The following GHR variants were observed in gnomAD, a reference collection of about 807,000 sequenced individuals.
GHR encodes the protein GH receptor.
In GHR, 35 loss-of-function variants were observed where a neutral mutation model predicts 67.1. That is an observed-to-expected ratio of 0.52 (90% CI 0.40 to 0.69). GHR has a LOEUF of 0.69. GHR is among the 30% of genes least tolerant of loss of function. The pLI is 0.00. For missense variants in GHR, 792 were observed against 764.6 expected (o/e 1.04, Z -0.42); for synonymous variants, 272 against 269.1 (o/e 1.01, Z -0.10).
rs148561268 is a variant in GHR, at chr5:42,695,119, A to C, written c.439+30A>C. On this transcript the variant is annotated intron_variant, in intron 5 of 9. Coordinates refer to ENST00000230882, the MANE Select transcript of GHR (RefSeq NM_000163.5). ...ATCACAGGTTTTTGTTTCATTTGAC[A>C]TAGTTTTAGACTAAATAAATGGGGA... The C allele has an allele frequency of 3.5e-3, 5,214 of 1,505,458 alleles. 16 individuals are homozygous for C. The highest frequency in any genetic ancestry group is 4.6e-3 in the Non-Finnish European group (5,021 of 1,081,166). The allele number at this position is 1,505,458 out of a possible 1,614,324, so 93.3% of individuals were successfully genotyped here.
chr5:42,671,679 G>A (rs1407245094), intron 3 of GHR, among the ~76,000 whole-genome samples: 19 of 150,136 alleles, frequency 1.3e-4, no homozygotes, highest in African/African-American at 3.2e-4. Context: ...CTAGGCGGCC[G>A]GGCGCGGTGG....
chr5:42,578,943 T>C (rs1008632468), intron 2 of GHR, among the ~76,000 whole-genome samples: 2 of 152,100 alleles, frequency 1.3e-5, no homozygotes, highest in African/African-American at 4.8e-5. Context: ...GGAATAATAA[T>C]AGGTCAAAGC....
At chr5:42,661,978 T>G (rs1210912713) in intron 3 of GHR, among the ~76,000 whole-genome samples, 3 of 152,080 alleles carry the variant, frequency 2.0e-5, no homozygotes, top group Non-Finnish European at 4.4e-5. Flanking sequence ...AAACAGACTT[T>G]AAACCAACAA....
At chr5:42,583,588 A>G (rs1468293799) in intron 2 of GHR, among the ~76,000 whole-genome samples, 1 of 152,170 alleles carries the variant, frequency 6.6e-6, no homozygotes, top group Non-Finnish European at 1.5e-5. Context: ...TATGCCAGAA[A>G]TCGTTAGGAT....
chr5:42,506,166 TCCTAGG>T (rs1746769482), intron 1 of GHR, among the ~76,000 whole-genome samples: 1 of 152,230 alleles, frequency 6.6e-6, no homozygotes, highest in South Asian at 2.1e-4. Flanking sequence ...GTTTCCTAGA[TCCTAGG>T]CCATATTTTA....
At chr5:42,709,871 C>T (rs1445000119) in intron 6 of GHR, among the ~76,000 whole-genome samples, 1 of 152,032 alleles carries the variant, frequency 6.6e-6, no homozygotes, top group Non-Finnish European at 1.5e-5. Flanking sequence ...AAGTAGGAGC[C>T]ACTCGAAATC....
At chr5:42,677,722 G>T (rs561513087) in intron 3 of GHR, among the ~76,000 whole-genome samples, 1 of 152,096 alleles carries the variant, frequency 6.6e-6, no homozygotes, top group South Asian at 2.1e-4. Flanking sequence ...AAATTTTTTT[G>T]CAACTTGTTC....
At chr5:42,686,481 C>T (rs982984480) in intron 3 of GHR, among the ~76,000 whole-genome samples, 9 of 152,104 alleles carry the variant, frequency 5.9e-5, no homozygotes, top group South Asian at 2.1e-4. Flanking sequence ...TTATCCACCC[C>T]GATCAAGTCG....
chr5:42,448,425 CA>C (rs1486007503), intron 1 of GHR, among the ~76,000 whole-genome samples: 6 of 151,798 alleles, frequency 4.0e-5, no homozygotes, highest in Non-Finnish European at 8.8e-5. Flanking sequence ...GTCCTTTGCC[CA>C]CTTTTTGATG....
chr5:42,612,307 G>T (rs543565847), intron 2 of GHR, among the ~76,000 whole-genome samples: 1 of 152,204 alleles, frequency 6.6e-6, no homozygotes, highest in African/African-American at 2.4e-5. Flanking sequence ...TTGTAATGAG[G>T]GAATTAGCTG....
chr5:42,622,215 G>T (rs920642120), intron 2 of GHR, among the ~76,000 whole-genome samples: 14 of 152,138 alleles, frequency 9.2e-5, no homozygotes, highest in African/African-American at 2.9e-4. Flanking sequence ...GATCCCTGAA[G>T]GGTATTTCTG....
intron 1 of GHR, among the ~76,000 whole-genome samples, chr5:42,540,723 A>C (rs997066736): frequency 3.5e-5 from 5 of 143,416 alleles, no homozygotes; most frequent in South Asian, 2.2e-4. Context: ...GCTGCCCTGC[A>C]GTTGTTTCTT....
At chr5:42,425,332 C>T (rs2111857370) in intron 1 of GHR, among the ~76,000 whole-genome samples, 1 of 152,226 alleles carries the variant, frequency 6.6e-6, no homozygotes, top group South Asian at 2.1e-4. Flanking sequence ...ATTCAGGCTC[C>T]CTGGTGTGTG....
chr5:42,689,020 G>T lies in GHR; in HGVS notation c.266+1G>T. On this transcript the variant is annotated splice_donor_variant, in intron 4 of 9. Coordinates refer to ENST00000230882, the MANE Select transcript of GHR (RefSeq NM_000163.5). LOFTEE classifies it high-confidence loss of function. ...CCATACAGCTGTTCTATACCAGAAG[G>T]TGCCACCATCATGCCTTTCTGATTT... 1 of 1,613,512 alleles carries T rather than the reference G, an allele frequency of 6.2e-7. No individual in the cohort carries two copies. The highest frequency in any genetic ancestry group is 1.1e-5 in the South Asian group (1 of 91,070).
intron 1 of GHR, chr5:42,468,342 G>C (rs1479246962): frequency 1.3e-6 from 2 of 1,542,372 alleles, no homozygotes; most frequent in South Asian, 2.3e-5. Context: ...CTCAGCAGGG[G>C]AACGCCTATA....
At chr5:42,694,894 CT>C (rs1561234547) in intron 4 of GHR, 22 bp from the exon 5 acceptor site, 5 of 1,572,992 alleles carry the variant, frequency 3.2e-6, no homozygotes, top group African/African-American at 1.3e-5. Context: ...AACAATTAAT[CT>C]TTTTTTAACC....
chr5:42,547,467 A>G (rs1168147898), intron 1 of GHR, among the ~76,000 whole-genome samples: 1 of 151,610 alleles, frequency 6.6e-6, no homozygotes, highest in African/African-American at 2.4e-5. Context: ...CTCCAGAGCT[A>G]GAAAGCTGGT....
At chr5:42,675,961 A>C (rs1165483291) in intron 3 of GHR, among the ~76,000 whole-genome samples, 2 of 152,216 alleles carry the variant, frequency 1.3e-5, no homozygotes, top group Non-Finnish European at 2.9e-5. Context: ...CATTATTTAA[A>C]GTTTACTAGA....
rs1168788232 is a variant in GHR, at chr5:42,563,624, CAA to C, written c.-11-2215_-11-2214del. Among the ~76,000 whole-genome samples the C allele has an allele frequency of 0.019, 860 of 45,038 alleles. 13 individuals carry two copies. The East Asian group carries it at 0.25, about 13-fold the overall frequency. 29.5% of individuals were successfully genotyped at this position (45,038 alleles called of 152,430 possible). A position where few individuals can be genotyped will look rare whatever the true frequency, so the allele number is the denominator to read the frequency against. ...TGGGCGACAGAGCGAGACTCCGTCT[CAA>C]AAAAAAAAAAAAAAAAAAAAAAAAT... On this transcript the variant is annotated intron_variant, in intron 1 of 9. Transcript: ENST00000230882.
Sources: allele counts gnomAD v4.1 joint callset (sites outside exome capture counted in the v4.1 genomes callset), GRCh38; gene constraint gnomAD v4.1.1; transcripts MANE v1.5; gene names NCBI Gene and HGNC (gene_info 2026-07-23, HGNC 2026-07-21).